TARS2: variants seen among roughly 807,000 people sequenced by gnomAD.
TARS2 encodes the protein threonyl-tRNA synthetase 2, mitochondrial.
Under a neutral mutation model 94.4 loss-of-function variants are expected in TARS2, and 61 were observed. That is an observed-to-expected ratio of 0.65 (90% confidence interval 0.53 to 0.80). The LOEUF is 0.80. TARS2 is among the 30% of genes least tolerant of loss of function. The pLI, the probability that TARS2 is intolerant of heterozygous loss-of-function variation, is 0.00. For synonymous variants in TARS2, 359 were observed against 353.4 expected, an observed-to-expected ratio of 1.02 and a Z score of -0.18; for missense variants, 704 against 902.5, an observed-to-expected ratio of 0.78 and a Z score of 2.82.
At chr1:150,503,617 A>ACG (rs35126201) in intron 13 of TARS2, among the ~76,000 whole-genome samples, 4,018 of 123,932 alleles carry the variant, frequency 0.032, 233 homozygotes, top group African/African-American at 0.12. Context: ...GTGTATATAT[A>ACG]TGTGTGTGTA....
In TARS2 at chr1:150,491,369, A is replaced by G. The variant is rs752165319; in HGVS notation, c.513-25A>G. 4 of 1,611,748 alleles carry G rather than the reference A, an allele frequency of 2.5e-6. No homozygotes were observed. In the East Asian group the frequency reaches 8.9e-5, roughly 36 times the overall value. On this transcript the variant is annotated intron_variant, in intron 4 of 17. Transcript: ENST00000369064. ...TGATTGATGCACCTCATAGGATGCA[A>G]CCCAACCAATTCTCCTCTTTCCAGG...
At chr1:150,492,571 G>A in intron 7 of TARS2, 82 bp downstream of exon 7, 1 of 1,444,926 alleles carries the variant, frequency 6.9e-7, no homozygotes, top group Non-Finnish European at 9.6e-7. Context: ...CAGCACTTTG[G>A]GAGGCTGAGG....
At position 150,507,152 on chromosome 1, in the gene TARS2, C is replaced by A. The variant is rs1670266912; in HGVS notation, c.*88C>A. On this transcript the variant is annotated 3_prime_UTR_variant, in exon 18 of 18. Transcript: ENST00000369064. ...CCCAACCCAGCTGACAATGTGGAGCCCCCAGAACTTCAGAACTGTGTGGAG... is the reference window on the plus strand; with the variant it reads ...CCCAACCCAGCTGACAATGTGGAGCACCCAGAACTTCAGAACTGTGTGGAG... 1 of 1,553,880 alleles carries A rather than the reference C, an allele frequency of 6.4e-7. No homozygotes were observed. Among genetic ancestry groups the A allele is most frequent in the South Asian group, 1.2e-5 (1 of 84,776 alleles).
intron 13 of TARS2, among the ~76,000 whole-genome samples, chr1:150,502,827 T>G (rs1296799363): frequency 6.6e-6 from 1 of 152,214 alleles, no homozygotes; most frequent in African/African-American, 2.4e-5. Context: ...CACTAAGTAG[T>G]TAGTAAATTA....
chr1:150,497,720 T>G lies in TARS2; in HGVS notation c.1211T>G (p.Leu404Arg). Residue 404 changes from leucine to arginine, a missense_variant, in exon 10 of 18, where the codon CTC becomes CGC. Physicochemically the swap from Leu to Arg is moderately radical, Grantham distance 102. Around this residue, in one of 3 missense-constraint regions of TARS2, gnomAD observed 466 missense variants for 609.5 expected, o/e 0.76. Coordinates refer to ENST00000369064, the MANE Select transcript of TARS2 (RefSeq NM_025150.5). ...AGGCATATCACAGATACACTCGCCC[T>G]CAAGCCTATGAACTGCCCTGCACAC... The part of the protein sequence containing the change: ...STRHITDTLA[L>R]KPMNCPAHCL... 6.2e-7 allele frequency: 1 copy of G among 1,614,020 alleles called. No individual in the cohort carries two copies. Among genetic ancestry groups the G allele is most frequent in the Non-Finnish European group, 8.5e-7 (1 of 1,180,000 alleles).
At chr1:150,498,449 CT>C in intron 10 of TARS2, 52 bp from the exon 11 acceptor site, 14 of 1,509,650 alleles carry the variant, frequency 9.3e-6, no homozygotes, top group Admixed American at 4.8e-5. Flanking sequence ...GAGGAGCAGT[CT>C]TCGGGGGCTA....
chr1:150,503,591 G>A (rs1212617303), intron 13 of TARS2, among the ~76,000 whole-genome samples: 1 of 144,518 alleles, frequency 6.9e-6, no homozygotes, highest in African/African-American at 2.7e-5. Context: ...ATATATGTGT[G>A]TGTGTGTGTG....
At chr1:150,487,801 A>C in intron 1 of TARS2, 57 bp from the exon 2 acceptor site, 1 of 1,573,898 alleles carries the variant, frequency 6.4e-7, no homozygotes. Context: ...CATCATCTGC[A>C]ATTCTAAGAA....
At chr1:150,503,526 GAAA>G (rs749442731) in intron 13 of TARS2, among the ~76,000 whole-genome samples, 1 of 132,912 alleles carries the variant, frequency 7.5e-6, no homozygotes, top group African/African-American at 2.8e-5. Context: ...CATCCCTACT[GAAA>G]AAAAAAAATA....
At position 150,507,003 on chromosome 1, in the gene TARS2, C is replaced by T. The variant is rs1449823942; in HGVS notation, c.2096C>T (p.Ala699Val). 1 of 1,614,136 alleles carries T rather than the reference C, an allele frequency of 6.2e-7. No homozygotes were observed. Among genetic ancestry groups the T allele is most frequent in the Admixed American group, 1.7e-5 (1 of 60,002 alleles). The change falls in exon 18 of 18, where the codon GCT becomes GTT. Residue 699 changes from alanine to valine, a missense_variant. Physicochemically the swap from Ala to Val is moderately conservative, Grantham distance 64. Around this residue, in one of 3 missense-constraint regions of TARS2, gnomAD observed 466 missense variants for 609.5 expected, o/e 0.76. Transcript: ENST00000369064. ...CTTGGGGAGTGGGACTTGCCTGAGG[C>T]TGTGCAGCGACTGGTGGAGCTACAG... ...RRLGEWDLPE[A>V]VQRLVELQNT...
intron 17 of TARS2, among the ~76,000 whole-genome samples, chr1:150,506,453 A>T (rs865835675): frequency 1.3e-5 from 2 of 148,402 alleles, no homozygotes; most frequent in African/African-American, 5.0e-5. Context: ...GCCACCTTCC[A>T]CTTGCTCTAA....
intron 13 of TARS2, among the ~76,000 whole-genome samples, chr1:150,501,244 C>T (rs1022295670): frequency 6.7e-6 from 1 of 149,348 alleles, no homozygotes; most frequent in African/African-American, 2.5e-5. Context: ...AGTTTGATAC[C>T]AGCCTGGGCA....
chr1:150,504,043 G>A (rs956733784), intron 13 of TARS2, among the ~76,000 whole-genome samples: 7 of 152,114 alleles, frequency 4.6e-5, no homozygotes, highest in Non-Finnish European at 1.0e-4. Context: ...ATAGATGGGT[G>A]GTGGTGAAGA....
In TARS2 at chr1:150,505,363, T is replaced by TG. The variant is rs1315972729; in HGVS notation, c.1894-222dup. 3.3e-5 allele frequency among the ~76,000 whole-genome samples: 5 copies of TG among 151,888 alleles called. No individual in the cohort carries two copies. In the East Asian group the frequency reaches 9.7e-4, roughly 29 times the overall value. On this transcript the variant is annotated intron_variant, in intron 16 of 17. Transcript: ENST00000369064. The stretch of plus-strand genomic sequence containing the variant: ...TAGAAGGCAAAGTCCACGGAATAAC[T>TG]GGGGGGTCATCTCCAGTAGGAGGCA...
intron 13 of TARS2, among the ~76,000 whole-genome samples, chr1:150,501,105 T>C (rs997583196): frequency 1.3e-5 from 2 of 151,680 alleles, no homozygotes; most frequent in Admixed American, 6.6e-5. Context: ...TTTGCTGAAA[T>C]GAGAGTGGAG....
Position 150,504,376 on chromosome 1 carries a change from G to C in TARS2, c.1659G>C (p.Gln553His). 6.2e-7 allele frequency: 1 copy of C among 1,614,134 alleles called. No homozygotes were observed. The highest frequency in any genetic ancestry group is 8.5e-7 in the Non-Finnish European group (1 of 1,180,026). The change falls in exon 14 of 18, where the codon CAG (glutamine) becomes CAC (histidine). Residue 553 changes from glutamine (Q) to histidine (H), a missense_variant. Gln to His is a conservative substitution (Grantham distance 24). Transcript: ENST00000369064. ...HLHDALGRPH[Q>H]CGTIQLDFQL... ...ACGATGCCCTGGGCCGGCCACATCAGTGTGGGACAATTCAGCTTGACTTCC... is the reference window on the plus strand; with the variant it reads ...ACGATGCCCTGGGCCGGCCACATCACTGTGGGACAATTCAGCTTGACTTCC...
chr1:150,507,271 C>CA lies in TARS2; in HGVS notation c.*216dup, dbSNP rs72121396. On this transcript the variant is annotated 3_prime_UTR_variant, in exon 18 of 18. Transcript: ENST00000369064. ...TTTGGATGTGAGGAGAATGAAACTACAAAAAAAAATAAATTGGGCCAGGCG... is the reference window on the plus strand; with the variant it reads ...TTTGGATGTGAGGAGAATGAAACTACAAAAAAAAAATAAATTGGGCCAGGCG... 0.013 allele frequency: 7,604 copies of CA among 607,826 alleles called. 358 individuals carry two copies. Among genetic ancestry groups the CA allele is most frequent in the African/African-American group, 0.12 (6,100 of 53,042 alleles). The allele number at this position is 607,826 out of a possible 1,614,324, so 37.7% of individuals were successfully genotyped here.
chr1:150,496,598 A>G lies in TARS2; in HGVS notation c.891A>G (p.Ala297=), dbSNP rs1445808645. ...TCTGGGAAGCATGGAGGGAGGAAGC[A>G]GAATTGCGGGACCACCGGCGCATTG... ...LRVWEAWREE[A]ELRDHRRIGK... is the part of the protein sequence containing the mutation. Residue 297 remains alanine (A), a synonymous_variant, in exon 8 of 18, where the codon GCA becomes GCG. Coordinates refer to ENST00000369064, the MANE Select transcript of TARS2 (RefSeq NM_025150.5). The G allele has an allele frequency of 6.2e-7, 1 of 1,613,982 alleles. No individual in the cohort carries two copies. The highest frequency in any genetic ancestry group is 2.2e-5 in the East Asian group (1 of 44,888).
chr1:150,487,871 C>T lies in TARS2; in HGVS notation c.80C>T (p.Thr27Ile). 2 of 1,612,908 alleles carry T rather than the reference C, an allele frequency of 1.2e-6. No homozygotes were observed. The highest frequency in any genetic ancestry group is 1.7e-6 in the Non-Finnish European group (2 of 1,179,924). Residue 27 changes from threonine to isoleucine, a missense_variant, in exon 2 of 18, where the codon ACC (threonine) becomes ATC (isoleucine). Thr to Ile is a moderately conservative substitution (Grantham distance 89). Coordinates refer to ENST00000369064, the MANE Select transcript of TARS2 (RefSeq NM_025150.5). Reference protein sequence around the residue: ...ACRLHTAVVSTPPRWLAERLG... With the variant: ...ACRLHTAVVSIPPRWLAERLG... ...CTTTCCCTCCAGGCAGTTGTGTCGACCCCTCCACGCTGGTTGGCAGAGCGG... is the reference window on the plus strand; with the variant it reads ...CTTTCCCTCCAGGCAGTTGTGTCGATCCCTCCACGCTGGTTGGCAGAGCGG...
Sources: allele counts gnomAD v4.1 joint callset (sites outside exome capture counted in the v4.1 genomes callset), GRCh38; gene constraint gnomAD v4.1.1; regional missense constraint gnomAD v4.1.1; transcripts MANE v1.5; gene names NCBI Gene and HGNC (gene_info 2026-07-23, HGNC 2026-07-21).